The following LYPD6B variants were observed in gnomAD, a reference collection of about 807,000 sequenced individuals.
The protein encoded by LYPD6B is LY6/PLAUR domain containing 6B.
In LYPD6B, 17 loss-of-function variants were observed where a neutral mutation model predicts 22.8. That is an observed-to-expected ratio of 0.75 (90% CI 0.51 to 1.12). The LOEUF (loss-of-function observed/expected upper bound fraction) is 1.12, where lower values mean the gene tolerates loss of function less well. Ranked by LOEUF, LYPD6B falls within the 50% of genes most tolerant of loss-of-function variation. LYPD6B has a pLI of 0.00. For missense variants in LYPD6B, 221 were observed against 258.3 expected, an observed-to-expected ratio of 0.86 and a Z score of 0.99; for synonymous variants, 106 against 91.6, an observed-to-expected ratio of 1.16 and a Z score of -0.90.
intron 2 of LYPD6B, among the ~76,000 whole-genome samples, chr2:149,138,636 G>A (rs1439609640): frequency 1.3e-5 from 2 of 152,076 alleles, no homozygotes; most frequent in East Asian, 3.9e-4. Flanking sequence ...CGAACTCCTG[G>A]GCTCAAGCAA....
At chr2:149,062,947 C>T (rs1684159682) in intron 1 of LYPD6B, among the ~76,000 whole-genome samples, 1 of 143,964 alleles carries the variant, frequency 6.9e-6, no homozygotes, top group Non-Finnish European at 1.5e-5. Context: ...TCCTGAGTGT[C>T]CCCTGTAAGC....
rs1302743098 is a variant in LYPD6B, at chr2:149,205,407, A to G, written c.229+3A>G. On this transcript the variant is annotated splice_donor_region_variant and intron_variant, in intron 4 of 6. Coordinates refer to ENST00000409642, the MANE Select transcript of LYPD6B (RefSeq NM_177964.5). ...TAATGTGAGGCCTCCTCTCGACCGT[A>G]AGTAGTGGTGGTTGCCATCCTAGTT... is the stretch of plus-strand genomic sequence containing the variant. 1 of 1,613,282 alleles carries G rather than the reference A, an allele frequency of 6.2e-7. No homozygotes were observed. Among genetic ancestry groups the G allele is most frequent in the Admixed American group, 1.7e-5 (1 of 59,960 alleles).
chr2:149,045,685 A>G (rs1683275595), intron 1 of LYPD6B, among the ~76,000 whole-genome samples: 1 of 152,038 alleles, frequency 6.6e-6, no homozygotes, highest in Non-Finnish European at 1.5e-5. Flanking sequence ...TAATTTTAAG[A>G]TATTTGGGGA....
intron 2 of LYPD6B, among the ~76,000 whole-genome samples, chr2:149,139,276 A>G (rs1575045889): frequency 6.6e-6 from 1 of 152,142 alleles, no homozygotes; most frequent in Non-Finnish European, 1.5e-5. Flanking sequence ...CTTATTAGCA[A>G]TAGAAAGGGG....
At chr2:149,211,997 G>C (rs549356173) in intron 5 of LYPD6B, among the ~76,000 whole-genome samples, 1 of 151,386 alleles carries the variant, frequency 6.6e-6, no homozygotes, top group African/African-American at 2.4e-5. Context: ...GGGAAACAGA[G>C]AAAGTAAAAG....
intron 3 of LYPD6B, chr2:149,188,716 G>A (rs1012380606): frequency 4.7e-5 from 46 of 980,264 alleles, no homozygotes; most frequent in Middle Eastern, 5.2e-4. Flanking sequence ...TCAGGAGGTC[G>A]CCTGGCTCCA....
At chr2:149,149,987 T>C (rs1238152645) in intron 2 of LYPD6B, among the ~76,000 whole-genome samples, 1 of 152,240 alleles carries the variant, frequency 6.6e-6, no homozygotes, top group African/African-American at 2.4e-5. Context: ...ATGTTATCTA[T>C]GACCTTTTGT....
At chr2:149,124,549 C>T (rs541638095) in intron 1 of LYPD6B, among the ~76,000 whole-genome samples, 26 of 152,204 alleles carry the variant, frequency 1.7e-4, no homozygotes, top group African/African-American at 5.8e-4. Context: ...CAGCAACCCA[C>T]GAGAGTAGCA....
At chr2:149,163,914 A>T (rs897004574) in intron 3 of LYPD6B, among the ~76,000 whole-genome samples, 3 of 152,208 alleles carry the variant, frequency 2.0e-5, no homozygotes, top group Non-Finnish European at 2.9e-5. Context: ...ATCATAGGAA[A>T]GAAAGTGAAT....
At chr2:149,069,129 C>A (rs1684478136) in intron 1 of LYPD6B, among the ~76,000 whole-genome samples, 1 of 151,026 alleles carries the variant, frequency 6.6e-6, no homozygotes, top group Non-Finnish European at 1.5e-5. Context: ...TCAAGGAGAG[C>A]CAGAAAAGTG....
At chr2:149,063,169 G>C (rs1238222851) in intron 1 of LYPD6B, among the ~76,000 whole-genome samples, 1 of 152,108 alleles carries the variant, frequency 6.6e-6, no homozygotes, top group Non-Finnish European at 1.5e-5. Flanking sequence ...AATATATCTG[G>C]AGGAAAAATC....
intron 3 of LYPD6B, among the ~76,000 whole-genome samples, chr2:149,179,137 G>GA (rs1332588509): frequency 6.6e-6 from 1 of 152,186 alleles, no homozygotes; most frequent in African/African-American, 2.4e-5. Flanking sequence ...CAGTGATGCT[G>GA]AAGTGCTAGT....
intron 1 of LYPD6B, among the ~76,000 whole-genome samples, chr2:149,076,100 G>A (rs13007817): frequency 0.093 from 14,178 of 152,078 alleles, 877 homozygotes; most frequent in Admixed American, 0.13. Flanking sequence ...CCAGAGGCGC[G>A]GGAGAATGGG....
intron 1 of LYPD6B, among the ~76,000 whole-genome samples, chr2:149,082,666 C>T (rs373424694): frequency 2.6e-5 from 4 of 152,068 alleles, no homozygotes; most frequent in South Asian, 4.1e-4. Flanking sequence ...CCATGAATTA[C>T]GGTAAATGTG....
intron 3 of LYPD6B, among the ~76,000 whole-genome samples, chr2:149,168,908 G>A (rs1266876521): frequency 1.3e-5 from 2 of 152,128 alleles, no homozygotes; most frequent in African/African-American, 2.4e-5. Flanking sequence ...ATCACACATG[G>A]TATGAGCCTA....
chr2:149,105,563 A>G (rs1183160174), intron 1 of LYPD6B, among the ~76,000 whole-genome samples: 1 of 152,140 alleles, frequency 6.6e-6, no homozygotes, highest in African/African-American at 2.4e-5. Context: ...TTTCTGTGGT[A>G]TTTATAAATA....
At chr2:149,101,837 G>T (rs942372753) in intron 1 of LYPD6B, among the ~76,000 whole-genome samples, 6 of 152,234 alleles carry the variant, frequency 3.9e-5, no homozygotes, top group African/African-American at 1.4e-4. Context: ...AGATATCAGA[G>T]GCAGGAACTC....
At chr2:149,070,163 G>C (rs1684530690) in intron 1 of LYPD6B, among the ~76,000 whole-genome samples, 3 of 152,146 alleles carry the variant, frequency 2.0e-5, no homozygotes, top group African/African-American at 7.2e-5. Context: ...GTGAGCACCA[G>C]GCTTCACCAC....
chr2:149,116,140 T>C (rs1260424602), intron 1 of LYPD6B, among the ~76,000 whole-genome samples: 1 of 152,250 alleles, frequency 6.6e-6, no homozygotes, highest in Non-Finnish European at 1.5e-5. Flanking sequence ...CAATAAGATA[T>C]TTTGAGAGAG....
Sources: gnomAD v4.1 joint callset for allele counts (sites outside exome capture counted in the v4.1 genomes callset) on GRCh38, gnomAD v4.1.1 for gene constraint, MANE v1.5 for transcripts, NCBI Gene and HGNC (gene_info 2026-07-23, HGNC 2026-07-21) for gene names.